NMUR1: variants seen among roughly 807,000 people sequenced by gnomAD.
The protein encoded by NMUR1 is neuromedin-U receptor 1.
NMUR1 carries 16 observed loss-of-function variants against 18.8 expected under a neutral mutation model. That is an observed-to-expected ratio of 0.85 (90% CI 0.58 to 1.29). NMUR1 has a LOEUF of 1.29. Among genes scored for constraint, NMUR1 ranks in the 50% most tolerant of loss-of-function variants. NMUR1 has a pLI of 0.00. For missense variants in NMUR1, 529 were observed against 580.3 expected (o/e 0.91, Z 0.91); for synonymous variants, 258 against 258.2 (o/e 1.00, Z 0.01).
chr2:231,528,910 A>C lies in NMUR1; in HGVS notation c.111T>G (p.Pro37=), dbSNP rs888887642. The C allele has an allele frequency of 3.1e-6, 5 of 1,614,182 alleles. No individual in the cohort carries two copies. Among genetic ancestry groups the C allele is most frequent in the African/African-American group, 1.3e-5 (1 of 75,048 alleles). The change falls in exon 2 of 3, where the codon CCT becomes CCG. Residue 37 remains proline (P), a synonymous_variant. Transcript: ENST00000305141. ...NGSAARGHFD[P]EDLNLTDEAL... ...CCTCGTCAGTCAGGTTCAAGTCCTC[A>C]GGGTCAAAGTGCCCCCTGGCCGCAC... is the stretch of plus-strand genomic sequence containing the variant.
chr2:231,519,355 G>C (rs986728124), downstream of NMUR1, among the ~76,000 whole-genome samples: 2 of 152,164 alleles, frequency 1.3e-5, no homozygotes, highest in African/African-American at 2.4e-5. Flanking sequence ...CTTTGATCCT[G>C]CCCAGTCCCC....
rs2047341476 is a variant in NMUR1, at chr2:231,525,103, C to T, written c.1221G>A (p.Trp407Ter). The T allele has an allele frequency of 1.9e-6, 3 of 1,611,398 alleles. No homozygotes were observed. In the South Asian group the frequency reaches 3.3e-5, roughly 18 times the overall value. Residue 407 changes from tryptophan to a stop codon, truncating the protein, a stop_gained, in exon 3 of 3, where the codon TGG becomes TGA. Transcript: ENST00000305141. LOFTEE classifies it low-confidence loss of function (END_TRUNC). ...CATCGTTCCCAGCCAGGGGGTGGAC[C>T]CAGCTGCCCAGGGAGCCCACATCAC... ...TLCDVGSLGSWVHPLAGNDGP... is the reference protein window; with the variant it reads ...TLCDVGSLGS
In NMUR1 at chr2:231,530,420, G is replaced by A. The variant is rs889249267; in HGVS notation, c.-59C>T. 11 of 1,460,394 alleles carry A rather than the reference G, an allele frequency of 7.5e-6. No individual in the cohort carries two copies. The African/African-American group carries it at 1.6e-4, about 22-fold the overall frequency. 90.5% of individuals were successfully genotyped at this position (1,460,394 alleles called of 1,614,324 possible). ...CCTCCGAGCGACGGACACAGACGCG[G>A]CGCGGGAGCCAGTGGACTGACTGAC... On this transcript the variant is annotated 5_prime_UTR_variant, in exon 1 of 3. Coordinates refer to ENST00000305141, the MANE Select transcript of NMUR1 (RefSeq NM_006056.5).
At chr2:231,530,305 C>G (rs1356195772) in intron 1 of NMUR1, 54 bp downstream of exon 1, 27 of 1,498,896 alleles carry the variant, frequency 1.8e-5, no homozygotes, top group Non-Finnish European at 2.4e-5. Context: ...CTGCCCGCAC[C>G]GAGCCCCGGC....
downstream of NMUR1, among the ~76,000 whole-genome samples, chr2:231,521,973 C>CTTTTTTTT (rs10625236): frequency 4.8e-5 from 4 of 83,828 alleles, no homozygotes; most frequent in Non-Finnish European, 6.5e-5. Context: ...TTTTTTTTCT[C>CTTTTTTTT]TTTTTTTTTT....
rs570044551 is a variant in NMUR1, at chr2:231,529,736, G to A, written c.3+623C>T. On this transcript the variant is annotated intron_variant, in intron 1 of 2. Coordinates refer to ENST00000305141, the MANE Select transcript of NMUR1 (RefSeq NM_006056.5). ...CAGCCTCCCCAGTTCCAGGCTGTGT[G>A]ACCTTTAGCGAGGTAACCTCTCTGA... is the stretch of plus-strand genomic sequence containing the variant. 1.5e-3 allele frequency among the ~76,000 whole-genome samples: 227 copies of A among 152,318 alleles called. 3 individuals are homozygous for A. The highest frequency in any genetic ancestry group is 5.1e-3 in the African/African-American group (210 of 41,584).
rs1200249100 is a variant in NMUR1 at position 231,524,633 on chromosome 2, T to A, written c.*410A>T. 5.4e-6 allele frequency: 1 copy of A among 183,888 alleles called. No individual in the cohort carries two copies. The highest frequency in any genetic ancestry group is 1.1e-5 in the Non-Finnish European group (1 of 87,938). 11.4% of individuals were successfully genotyped at this position (183,888 alleles called of 1,614,324 possible). On this transcript the variant is annotated 3_prime_UTR_variant, in exon 3 of 3. Coordinates refer to ENST00000305141, the MANE Select transcript of NMUR1 (RefSeq NM_006056.5). ...CAGCAGGGCTGAGATTGGAACCAGG[T>A]CCCCTGGATCCCTGGGCCCCTGCCA...
downstream of NMUR1, among the ~76,000 whole-genome samples, chr2:231,521,925 C>T (rs1315932259): frequency 6.7e-6 from 1 of 148,510 alleles, no homozygotes; most frequent in Non-Finnish European, 1.5e-5. Context: ...TGACGTGCTG[C>T]GGAGACATAC....
chr2:231,526,586 G>A (rs562979592), intron 2 of NMUR1, among the ~76,000 whole-genome samples: 3 of 152,346 alleles, frequency 2.0e-5, no homozygotes, highest in Non-Finnish European at 4.4e-5. Flanking sequence ...AGAGCTGGGA[G>A]GCATGCACAT....
chr2:231,530,250 G>A, intron 1 of NMUR1, 109 bp downstream of exon 1: 1 of 1,306,878 alleles, frequency 7.7e-7, no homozygotes, highest in Non-Finnish European at 1.0e-6. Flanking sequence ...GGGGACGGGG[G>A]GCACCCCGAC....
chr2:231,530,300 C>A, intron 1 of NMUR1, 59 bp downstream of exon 1: 1 of 1,498,782 alleles, frequency 6.7e-7, no homozygotes. Flanking sequence ...CGACCCTGCC[C>A]GCACCGAGCC....
At chr2:231,530,326 C>T (rs1295567785) in intron 1 of NMUR1, 33 bp downstream of exon 1, 53 of 1,496,236 alleles carry the variant, frequency 3.5e-5, no homozygotes, top group Non-Finnish European at 4.5e-5. Context: ...CCAGCTGCCG[C>T]GCCCTAGCCC....
chr2:231,527,879 C>T (rs1396198849), intron 2 of NMUR1, among the ~76,000 whole-genome samples: 1 of 152,026 alleles, frequency 6.6e-6, no homozygotes, highest in Non-Finnish European at 1.5e-5. Flanking sequence ...CTGGACTCCA[C>T]AAATTACACA....
chr2:231,521,973 C>CTTTTTTTTTTTTTTT (rs10625236), downstream of NMUR1, among the ~76,000 whole-genome samples: 1 of 83,828 alleles, frequency 1.2e-5, no homozygotes, highest in Non-Finnish European at 2.2e-5. Flanking sequence ...TTTTTTTTCT[C>CTTTTTTTTTTTTTTT]TTTTTTTTTT....
downstream of NMUR1, among the ~76,000 whole-genome samples, chr2:231,519,827 C>T (rs904202543): frequency 6.6e-6 from 1 of 152,184 alleles, no homozygotes; most frequent in African/African-American, 2.4e-5. Context: ...CGCAGTGGCT[C>T]TTGCCTGTAA....
chr2:231,526,176 A>G (rs929065491), intron 2 of NMUR1, among the ~76,000 whole-genome samples: 1 of 151,708 alleles, frequency 6.6e-6, no homozygotes, highest in East Asian at 1.9e-4. Flanking sequence ...TTCTTACCCA[A>G]CTATGCCCTT....
chr2:231,527,973 G>GACACACAC (rs57357206), intron 2 of NMUR1, 150 bp downstream of exon 2: 160,095 of 568,532 alleles, frequency 0.28, 11,126 homozygotes, highest in South Asian at 0.37. Flanking sequence ...GTGCAACTCA[G>GACACACAC]ACACACACAC....
At chr2:231,530,334 C>A (rs1575291058) in intron 1 of NMUR1, 25 bp downstream of exon 1, 10 of 1,496,294 alleles carry the variant, frequency 6.7e-6, no homozygotes, top group Non-Finnish European at 8.0e-6. Context: ...CGCGCCCTAG[C>A]CCACGCCGGC....
downstream of NMUR1, chr2:231,523,063 G>A (rs1049172419): frequency 1.3e-5 from 4 of 312,000 alleles, no homozygotes; most frequent in Non-Finnish European, 2.3e-5. Flanking sequence ...GAGTGCAAGC[G>A]TGAGCTTGGA....
Sources: allele counts gnomAD v4.1 joint callset (sites outside exome capture counted in the v4.1 genomes callset), GRCh38; gene constraint gnomAD v4.1.1; transcripts MANE v1.5; gene names NCBI Gene and HGNC (gene_info 2026-07-23, HGNC 2026-07-21).